ADGRL2: variants seen among roughly 807,000 people sequenced by gnomAD.
ADGRL2 encodes adhesion G protein-coupled receptor L2.
Under a neutral mutation model 157.4 loss-of-function variants are expected in ADGRL2, and 44 were observed. The ratio of observed to expected loss-of-function variants is 0.28; its 90% CI spans 0.22 to 0.36. ADGRL2 has a LOEUF of 0.36. Ranked by LOEUF, ADGRL2 falls within the 10% of genes least tolerant of loss-of-function variation. The probability of loss-of-function intolerance (pLI) is 1.00; values close to 1 mark genes in which losing one functional copy is unlikely to be tolerated. For synonymous variants in ADGRL2, 585 were observed against 624.7 expected (o/e 0.94, Z 0.95); for missense variants, 1,510 against 1,768.9 (o/e 0.85, Z 2.63).
intron 2 of ADGRL2, among the ~76,000 whole-genome samples, chr1:81,446,101 CCTATACTTT>C (rs1220857193): frequency 2.0e-5 from 3 of 152,086 alleles, no homozygotes; most frequent in African/African-American, 4.8e-5. Flanking sequence ...CAGCCTCTCT[CCTATACTTT>C]CATGTAAATG....
At chr1:81,386,827 G>A (rs1244220604) in intron 1 of ADGRL2, among the ~76,000 whole-genome samples, 1 of 151,934 alleles carries the variant, frequency 6.6e-6, no homozygotes, top group Admixed American at 6.6e-5. Flanking sequence ...CAGCTGAAAT[G>A]TATTAACATA....
At chr1:81,857,199 T>C (rs894344429) in intron 2 of ADGRL2, among the ~76,000 whole-genome samples, 1 of 152,190 alleles carries the variant, frequency 6.6e-6, no homozygotes, top group African/African-American at 2.4e-5. Context: ...GTGATGAGAT[T>C]GATTCATTCC....
At chr1:81,852,852 T>G (rs1356344430) in intron 2 of ADGRL2, among the ~76,000 whole-genome samples, 1 of 152,124 alleles carries the variant, frequency 6.6e-6, no homozygotes, top group Non-Finnish European at 1.5e-5. Flanking sequence ...ATAATGAACT[T>G]TTTAGCTTTA....
chr1:81,851,434 T>C (rs566567888), intron 2 of ADGRL2, among the ~76,000 whole-genome samples: 1 of 151,964 alleles, frequency 6.6e-6, no homozygotes, highest in East Asian at 1.9e-4. Context: ...CTCTAGTCAT[T>C]TCGAAAATTC....
intron 1 of ADGRL2, among the ~76,000 whole-genome samples, chr1:81,345,736 A>G (rs1027019497): frequency 1.3e-5 from 2 of 152,186 alleles, no homozygotes; most frequent in Non-Finnish European, 2.9e-5. Flanking sequence ...AGAGAAAGGC[A>G]AGAAAGAAGT....
upstream of ADGRL2, among the ~76,000 whole-genome samples, chr1:81,695,013 TG>T (rs1237801424): frequency 6.6e-6 from 1 of 152,190 alleles, no homozygotes; most frequent in Non-Finnish European, 1.5e-5. Flanking sequence ...TTAGGAATAT[TG>T]AAAATAATAT....
chr1:81,842,523 A>G (rs1172988694), intron 2 of ADGRL2, among the ~76,000 whole-genome samples: 1 of 151,564 alleles, frequency 6.6e-6, no homozygotes, highest in African/African-American at 2.4e-5. Context: ...ATGCCTGTCT[A>G]ACTTTTTTAT....
intron 2 of ADGRL2, among the ~76,000 whole-genome samples, chr1:81,495,765 T>C (rs2078717972): frequency 6.6e-6 from 1 of 152,204 alleles, no homozygotes; most frequent in Non-Finnish European, 1.5e-5. Context: ...GAAGTTGTGC[T>C]TTTAACTAAA....
At chr1:81,801,220 G>C (rs1035547597) in intron 1 of ADGRL2, among the ~76,000 whole-genome samples, 152 bp downstream of exon 1, 1 of 152,216 alleles carries the variant, frequency 6.6e-6, no homozygotes, top group Non-Finnish European at 1.5e-5. Flanking sequence ...CTTCTTTTGA[G>C]TTTGCCCGAG....
At chr1:81,918,426 A>C (rs1390018883) in intron 3 of ADGRL2, among the ~76,000 whole-genome samples, 2 of 152,148 alleles carry the variant, frequency 1.3e-5, no homozygotes, top group Non-Finnish European at 2.9e-5. Context: ...TTTGGTTTTC[A>C]TAGATAGCTA....
chr1:81,918,220 A>G (rs1355817090), intron 3 of ADGRL2, among the ~76,000 whole-genome samples: 1 of 152,074 alleles, frequency 6.6e-6, no homozygotes, highest in African/African-American at 2.4e-5. Context: ...TACTTCTGTT[A>G]CTCATTATAC....
At chr1:81,443,647 A>T (rs997958841) in intron 1 of ADGRL2, among the ~76,000 whole-genome samples, 6 of 152,220 alleles carry the variant, frequency 3.9e-5, no homozygotes, top group Admixed American at 3.9e-4. Context: ...AATTTTGGAA[A>T]GTAAAATGAG....
chr1:81,706,175 G>C (rs2083728651), intron 1 of ADGRL2, among the ~76,000 whole-genome samples: 1 of 151,988 alleles, frequency 6.6e-6, no homozygotes, highest in South Asian at 2.1e-4. Context: ...CTCCAGCCTG[G>C]TGACAGAACA....
chr1:81,925,763 G>T (rs1025538267), intron 3 of ADGRL2, among the ~76,000 whole-genome samples: 2 of 151,936 alleles, frequency 1.3e-5, no homozygotes, highest in African/African-American at 4.8e-5. Context: ...TAATCAAAAT[G>T]AGGTCTGTAA....
intron 3 of ADGRL2, among the ~76,000 whole-genome samples, chr1:81,923,637 A>G (rs1242081723): frequency 6.6e-6 from 1 of 152,186 alleles, no homozygotes; most frequent in Non-Finnish European, 1.5e-5. Context: ...CAACTAGTGT[A>G]TACCTGAAGA....
chr1:81,771,638 C>T (rs11163360), intron 2 of ADGRL2, among the ~76,000 whole-genome samples: 23,875 of 152,072 alleles, frequency 0.16, 1,955 homozygotes, highest in East Asian at 0.23. Flanking sequence ...TCTAAAGAGT[C>T]CAAGATAAGA....
At chr1:81,336,383 G>T (rs1227071254) in intron 1 of ADGRL2, among the ~76,000 whole-genome samples, 5 of 152,136 alleles carry the variant, frequency 3.3e-5, no homozygotes, top group Non-Finnish European at 7.4e-5. Flanking sequence ...ATGAGGAATA[G>T]TTTTCTAGTT....
chr1:81,828,145 T>C (rs1234943942), intron 1 of ADGRL2, among the ~76,000 whole-genome samples: 2 of 152,198 alleles, frequency 1.3e-5, no homozygotes, highest in Non-Finnish European at 2.9e-5. Flanking sequence ...ACACAGCCAA[T>C]GTCATTTCGG....
In ADGRL2 at chr1:81,990,418, C is replaced by G; in HGVS notation, c.3683C>G (p.Thr1228Arg). ...CATTCACTGAACAATGCCAGGGATA[C>G]AAGTGCCATGGATACTCTACCGCTA... The part of the protein sequence containing the change: ...TRHSLNNARD[T>R]SAMDTLPLNG... Residue 1228 changes from threonine to arginine, a missense_variant, in exon 24 of 24, where the codon ACA becomes AGA. Thr to Arg is a moderately conservative substitution (Grantham distance 71). Coordinates refer to ENST00000686636, the MANE Select transcript of ADGRL2 (RefSeq NM_001366006.2). 5.6e-6 allele frequency: 9 copies of G among 1,613,838 alleles called. No individual in the cohort carries two copies. The highest frequency in any genetic ancestry group is 7.6e-6 in the Non-Finnish European group (9 of 1,179,830).
Sources: gnomAD v4.1 joint callset for allele counts (sites outside exome capture counted in the v4.1 genomes callset) on GRCh38, gnomAD v4.1.1 for gene constraint, MANE v1.5 for transcripts, NCBI Gene and HGNC (gene_info 2026-07-23, HGNC 2026-07-21) for gene names.